Variants in CCDC201 observed in about 807,000 individuals in gnomAD.
CCDC201 encodes coiled-coil domain containing 201.
intron 2 of CCDC201, among the ~76,000 whole-genome samples, chr7:45,864,980 C>T (rs1391261294): frequency 6.6e-6 from 1 of 151,678 alleles, no homozygotes; most frequent in East Asian, 1.9e-4. Flanking sequence ...GACTACTCAC[C>T]CCAAAATGAA....
At chr7:45,869,316 A>G (rs10228265) in intron 1 of CCDC201, among the ~76,000 whole-genome samples, 50,973 of 152,100 alleles carry the variant, frequency 0.34, 8,700 homozygotes, top group African/African-American at 0.41. Flanking sequence ...AGGTAAGTAT[A>G]ATTGTAGTCA....
At chr7:45,872,603 C>G (rs1420104348) in intron 1 of CCDC201, among the ~76,000 whole-genome samples, 1 of 152,190 alleles carries the variant, frequency 6.6e-6, no homozygotes, top group Admixed American at 6.5e-5. Context: ...CTGACCCCAC[C>G]TGATGTCACT....
intron 2 of CCDC201, among the ~76,000 whole-genome samples, chr7:45,865,041 T>C (rs1583652044): frequency 6.7e-6 from 1 of 148,168 alleles, no homozygotes; most frequent in Non-Finnish European, 1.5e-5. Context: ...CTTGGGCAGG[T>C]GGGAGTCAGG....
intron 1 of CCDC201, among the ~76,000 whole-genome samples, chr7:45,870,368 A>G (rs1374750930): frequency 6.6e-6 from 1 of 152,228 alleles, no homozygotes; most frequent in Non-Finnish European, 1.5e-5. Flanking sequence ...AAGGCAAACA[A>G]TAAACTCACC....
intron 1 of CCDC201, among the ~76,000 whole-genome samples, chr7:45,869,808 A>T (rs1341919296): frequency 6.7e-6 from 1 of 149,634 alleles, no homozygotes; most frequent in Non-Finnish European, 1.5e-5. Context: ...TTTACAGTTT[A>T]GTTGCTCCAC....
At chr7:45,869,389 T>C (rs1374751397) in intron 1 of CCDC201, among the ~76,000 whole-genome samples, 2 of 152,080 alleles carry the variant, frequency 1.3e-5, no homozygotes, top group Non-Finnish European at 2.9e-5. Flanking sequence ...GCAGCAACAA[T>C]GAGGTGTGAA....
At chr7:45,883,728 T>C in the CCDC201 span, among the ~76,000 whole-genome samples, 2 of 152,192 alleles carry the variant, frequency 1.3e-5, no homozygotes, top group Non-Finnish European at 2.9e-5. Flanking sequence ...CATTCCATAC[T>C]CCCCTTCCTG....
At chr7:45,873,657 A>G (rs1786766556), upstream of CCDC201, among the ~76,000 whole-genome samples, 2 of 152,220 alleles carry the variant, frequency 1.3e-5, no homozygotes, top group South Asian at 4.1e-4. Flanking sequence ...CTTAGGAACC[A>G]CTGCACGAAT....
intron 1 of CCDC201, among the ~76,000 whole-genome samples, chr7:45,868,892 T>C (rs1388843474): frequency 2.6e-5 from 4 of 152,240 alleles, no homozygotes; most frequent in Non-Finnish European, 5.9e-5. Flanking sequence ...CTTTCTCTAG[T>C]CCTTCTCCCT....
exon 3 of CCDC201, chr7:45,860,912 C>T (rs1786591125): frequency 6.6e-6 from 1 of 152,242 alleles, no homozygotes; most frequent in South Asian, 2.1e-4. Context: ...ACTGCATATA[C>T]TCCAAATATG....
At chr7:45,873,735 T>C (rs1786769089), upstream of CCDC201, among the ~76,000 whole-genome samples, 1 of 152,224 alleles carries the variant, frequency 6.6e-6, no homozygotes, top group Non-Finnish European at 1.5e-5. Context: ...AGCTGATCTA[T>C]ACTAATAGTA....
At chr7:45,880,050 C>T in the CCDC201 span, among the ~76,000 whole-genome samples, 1 of 152,156 alleles carries the variant, frequency 6.6e-6, no homozygotes, top group African/African-American at 2.4e-5. Context: ...TGCACCACTG[C>T]ACTCCAGCCC....
At chr7:45,878,810 C>A in the CCDC201 span, among the ~76,000 whole-genome samples, 3 of 152,362 alleles carry the variant, frequency 2.0e-5, no homozygotes, top group South Asian at 2.1e-4. Context: ...ATGCAAATTT[C>A]TGCAGCTTTG....
At chr7:45,883,316 T>A in the CCDC201 span, among the ~76,000 whole-genome samples, 6 of 152,140 alleles carry the variant, frequency 3.9e-5, no homozygotes, top group Non-Finnish European at 7.4e-5. Flanking sequence ...AGTACGTAGA[T>A]AGGCATTTAT....
chr7:45,861,928 C>A (rs1786607055), exon 3 of CCDC201: 2 of 152,208 alleles, frequency 1.3e-5, no homozygotes, highest in Non-Finnish European at 2.9e-5. Flanking sequence ...TATTTAGTAA[C>A]CATAACATGT....
chr7:45,879,453 A>T, the CCDC201 span, among the ~76,000 whole-genome samples: 1 of 152,236 alleles, frequency 6.6e-6, no homozygotes, highest in South Asian at 2.1e-4. Context: ...TAATCTCTTC[A>T]TGGTTCTGTG....
chr7:45,864,499 C>A (rs1056870666), intron 2 of CCDC201, among the ~76,000 whole-genome samples: 1 of 152,176 alleles, frequency 6.6e-6, no homozygotes, highest in African/African-American at 2.4e-5. Flanking sequence ...GCAGTTAACC[C>A]CCGGGTGACC....
chr7:45,873,957 C>G (rs1477356586), upstream of CCDC201, among the ~76,000 whole-genome samples: 1 of 131,152 alleles, frequency 7.6e-6, no homozygotes, highest in East Asian at 2.3e-4. Flanking sequence ...GAATCTTGCT[C>G]TGTAACCCAG....
intron 1 of CCDC201, 98 bp downstream of exon 1, chr7:45,872,892 G>C (rs1786757546): frequency 6.5e-6 from 1 of 152,916 alleles, no homozygotes; most frequent in Non-Finnish European, 1.5e-5. Context: ...CCAACCTCTT[G>C]CTCGGGCAGC....
Sources: gnomAD v4.1 joint callset for allele counts (sites outside exome capture counted in the v4.1 genomes callset) on GRCh38, gnomAD v4.1.1 for gene constraint, MANE v1.5 for transcripts, NCBI Gene and HGNC (gene_info 2026-07-23, HGNC 2026-07-21) for gene names.